The following MAP4 variants were observed in gnomAD, a reference collection of about 807,000 sequenced individuals.
MAP4 encodes microtubule-associated protein 4.
Under a neutral mutation model 170.2 loss-of-function variants are expected in MAP4, and 76 were observed. The observed-to-expected ratio is 0.45, with a 90% CI of 0.37 to 0.54. The LOEUF is 0.54. Among genes scored for constraint, MAP4 ranks in the 20% least tolerant of loss-of-function variants. MAP4 has a pLI of 0.00. For missense variants in MAP4, 2,506 were observed against 2,748.0 expected (o/e 0.91, Z 1.97); for synonymous variants, 909 against 994.5 (o/e 0.91, Z 1.62).
At chr3:47,893,553 T>C (rs1048073121) in intron 10 of MAP4, among the ~76,000 whole-genome samples, 4 of 152,156 alleles carry the variant, frequency 2.6e-5, no homozygotes, top group Non-Finnish European at 5.9e-5. Flanking sequence ...AGCTCAAATA[T>C]TGTATATTCA....
intron 10 of MAP4, among the ~76,000 whole-genome samples, chr3:47,882,563 A>T (rs913733068): frequency 1.3e-5 from 2 of 152,038 alleles, no homozygotes; most frequent in Admixed American, 1.3e-4. Flanking sequence ...TGGTTGCTCT[A>T]GGTATTACAA....
intron 19 of MAP4, among the ~76,000 whole-genome samples, chr3:47,854,388 G>A (rs984427175): frequency 1.3e-5 from 2 of 152,214 alleles, no homozygotes; most frequent in Admixed American, 1.3e-4. Flanking sequence ...CAGAGCATCA[G>A]GAGAGGATGG....
rs75730489 is a variant in MAP4 at position 48,042,808 on chromosome 3, T to G, written c.-19-43929A>C. Among the ~76,000 whole-genome samples the G allele has an allele frequency of 3.3e-3, 496 of 152,340 alleles. 24 individuals are homozygous for G. The East Asian group carries it at 0.079, about 24-fold the overall frequency. ...TGAGGTACATACATACAATGGAATATTATTCAGCCATAAAAGGGAATAAAG... is the reference window on the plus strand; with the variant it reads ...TGAGGTACATACATACAATGGAATAGTATTCAGCCATAAAAGGGAATAAAG... On this transcript the variant is annotated intron_variant, in intron 1 of 18. Coordinates refer to the MAP4 transcript ENST00000360240.
Position 47,897,251 on chromosome 3 carries a change from G to A in MAP4, c.5434+5699C>T, listed in dbSNP as rs1037396836. Among the ~76,000 whole-genome samples the A allele has an allele frequency of 7.2e-5, 11 of 151,938 alleles. No homozygotes were observed. In the South Asian group the frequency reaches 8.3e-4, roughly 11 times the overall value. On this transcript the variant is annotated intron_variant, in intron 10 of 20. Coordinates refer to ENST00000683076, the MANE Select transcript of MAP4 (RefSeq NM_001385682.1). The stretch of plus-strand genomic sequence containing the variant: ...AAGCGATTCTCCTGCCTCAGCTTCC[G>A]GAGTAGCTGGGATTACAGGCCCACA...
chr3:48,080,685 AAAAT>A (rs2100146168), intron 1 of MAP4, among the ~76,000 whole-genome samples: 1 of 152,336 alleles, frequency 6.6e-6, no homozygotes, highest in African/African-American at 2.4e-5. Flanking sequence ...TGTCTCTTAA[AAAAT>A]AAATAAATAG....
chr3:47,897,428 A>G (rs987159528), intron 10 of MAP4, among the ~76,000 whole-genome samples: 9 of 152,038 alleles, frequency 5.9e-5, no homozygotes, highest in Non-Finnish European at 1.2e-4. Flanking sequence ...GCTCGGCCCA[A>G]TGTATCTTTT....
At chr3:47,987,580 C>A in intron 2 of MAP4, 1 of 495,226 alleles carries the variant, frequency 2.0e-6, no homozygotes, top group East Asian at 3.0e-5. Context: ...ACTCCGGACT[C>A]CTTATCTGTG....
chr3:47,855,971 G>A lies in MAP4; in HGVS notation c.6584-611C>T, dbSNP rs1398748231. On this transcript the variant is annotated intron_variant, in intron 18 of 20. Coordinates refer to ENST00000683076, the MANE Select transcript of MAP4 (RefSeq NM_001385682.1). The surrounding 1 kb of genome is among the most constrained non-coding windows in gnomAD (Gnocchi z 5.1). ...CAGAGTGGCCCCGAGGCTGTGCGCT[G>A]AGGAAGGAAAGACATGGACCAAGGC... is the stretch of plus-strand genomic sequence containing the variant. Among the ~76,000 whole-genome samples the A allele has an allele frequency of 6.6e-6, 1 of 152,122 alleles. No homozygotes were observed. The highest frequency in any genetic ancestry group is 1.5e-5 in the Non-Finnish European group (1 of 68,014).
intron 3 of MAP4, chr3:47,973,919 C>A: frequency 1.0e-6 from 1 of 985,072 alleles, no homozygotes; most frequent in South Asian, 4.7e-5. Flanking sequence ...ATAAGCATAA[C>A]CTCTTTCCTT....
chr3:48,008,355 C>T (rs2154418559), intron 1 of MAP4, among the ~76,000 whole-genome samples: 1 of 152,302 alleles, frequency 6.6e-6, no homozygotes, highest in South Asian at 2.1e-4. Context: ...CAGACAACAC[C>T]CGAAAGTGGA....
chr3:47,938,164 G>T (rs1177197492), intron 3 of MAP4, among the ~76,000 whole-genome samples: 1 of 151,396 alleles, frequency 6.6e-6, no homozygotes, highest in Admixed American at 6.6e-5. Flanking sequence ...TTGAGGTCAG[G>T]AGTTAGAGAC....
At position 47,912,285 on chromosome 3, in the gene MAP4, AAG is replaced by A. The variant is rs774394268; in HGVS notation, c.2134_2135del (p.Leu712Ter). ...LLGGSPPWKT[L>X]DHRLGHCSLS... Reference sequence around the variant, plus strand: ...AAGAGCAGTGGCCCAGCCTGTGATCAAGAGTCTTCCATGGAGGAGAGCCTCCC... The same window carrying A: ...AAGAGCAGTGGCCCAGCCTGTGATCAAGTCTTCCATGGAGGAGAGCCTCCC... On this transcript the variant is annotated frameshift_variant, in exon 9 of 21. Coordinates refer to ENST00000683076, the MANE Select transcript of MAP4 (RefSeq NM_001385682.1). LOFTEE classifies it high-confidence loss of function. 6.2e-5 allele frequency: 95 copies of A among 1,536,004 alleles called. No homozygotes were observed. The highest frequency in any genetic ancestry group is 8.1e-5 in the Non-Finnish European group (93 of 1,146,924).
chr3:48,049,385 C>T (rs2100126319), intron 1 of MAP4, among the ~76,000 whole-genome samples: 1 of 152,104 alleles, frequency 6.6e-6, no homozygotes, highest in South Asian at 2.1e-4. Flanking sequence ...TTTGGGAGGC[C>T]AAGGCAGGAG....
At chr3:47,880,465 G>GTTTTTT (rs3079393) in intron 10 of MAP4, among the ~76,000 whole-genome samples, 2 of 106,080 alleles carry the variant, frequency 1.9e-5, no homozygotes, top group East Asian at 2.7e-4. Flanking sequence ...TCCAATTTCA[G>GTTTTTT]TTTTTTTTTT....
intron 19 of MAP4, among the ~76,000 whole-genome samples, chr3:47,854,904 G>T (rs1165430539): frequency 6.6e-6 from 1 of 152,230 alleles, no homozygotes; most frequent in Non-Finnish European, 1.5e-5. Flanking sequence ...GACAGCTGGG[G>T]AGAACTGTGT....
chr3:48,002,700 G>A (rs2100099873), intron 1 of MAP4, among the ~76,000 whole-genome samples: 1 of 152,064 alleles, frequency 6.6e-6, no homozygotes, highest in South Asian at 2.1e-4. Context: ...GGCCAACACG[G>A]TGAAACCCCA....
At chr3:47,865,174 T>G (rs1336507247) in intron 17 of MAP4, among the ~76,000 whole-genome samples, 2 of 152,090 alleles carry the variant, frequency 1.3e-5, no homozygotes, top group African/African-American at 4.8e-5. Flanking sequence ...GTAGGCAGTG[T>G]GGAAAGATCA....
At chr3:48,050,866 T>C (rs1382079454) in intron 1 of MAP4, among the ~76,000 whole-genome samples, 15 of 150,206 alleles carry the variant, frequency 1.0e-4, no homozygotes, top group South Asian at 6.3e-4. Context: ...GATCGCGCCA[T>C]TGCACTCCAG....
chr3:48,063,421 A>AC (rs2100136923), intron 1 of MAP4, among the ~76,000 whole-genome samples: 1 of 151,572 alleles, frequency 6.6e-6, no homozygotes, highest in Non-Finnish European at 1.5e-5. Context: ...AAAAAAAAAA[A>AC]GTTATACCCA....
Sources: gnomAD v4.1 joint callset for allele counts (sites outside exome capture counted in the v4.1 genomes callset) on GRCh38, gnomAD v4.1.1 for gene constraint, Gnocchi (gnomAD v3.1) non-coding constraint, MANE v1.5 for transcripts, NCBI Gene and HGNC (gene_info 2026-07-23, HGNC 2026-07-21) for gene names.